The following PHLPP1 variants were observed in gnomAD, a reference collection of about 807,000 sequenced individuals.
PHLPP1 encodes the protein PH domain leucine-rich repeat-containing protein phosphatase 1.
PHLPP1 carries 42 observed loss-of-function variants against 117.2 expected under a neutral mutation model. The observed-to-expected ratio is 0.36, with a 90% CI of 0.28 to 0.46. PHLPP1 has a LOEUF of 0.46. Ranked by LOEUF, PHLPP1 falls within the 20% of genes least tolerant of loss-of-function variation. The pLI, the probability that PHLPP1 is intolerant of heterozygous loss-of-function variation, is 1.00. For missense variants in PHLPP1, 2,084 were observed against 2,241.9 expected (o/e 0.93, Z 1.42); for synonymous variants, 1,042 against 970.7 (o/e 1.07, Z -1.37).
chr18:62,717,580 C>T (rs887306611), intron 1 of PHLPP1, among the ~76,000 whole-genome samples: 3 of 152,064 alleles, frequency 2.0e-5, no homozygotes, highest in African/African-American at 7.2e-5. Flanking sequence ...TCCTCAGGGG[C>T]ATGTTGGGTT....
intron 10 of PHLPP1, among the ~76,000 whole-genome samples, chr18:62,934,468 G>C (rs1909908858): frequency 6.6e-6 from 1 of 152,108 alleles, no homozygotes; most frequent in South Asian, 2.1e-4. Flanking sequence ...AATTAATACA[G>C]AAACAGAAAA....
At position 62,715,689 on chromosome 18, in the gene PHLPP1, G is replaced by T; in HGVS notation, c.6G>T (p.Glu2Asp). 1.6e-6 allele frequency: 2 copies of T among 1,283,826 alleles called. No individual in the cohort carries two copies. The highest frequency in any genetic ancestry group is 2.0e-6 in the Non-Finnish European group (2 of 1,012,798). 79.5% of individuals were successfully genotyped at this position (1,283,826 alleles called of 1,614,324 possible). ...AAACGCGAAGCCCCACTGCAATGGA[G>T]CCCGCCGCCGCGGCCACGGTACAGC... M[E>D]PAAAATVQRL... Residue 2 changes from glutamate to aspartate, a missense_variant, in exon 1 of 17, where the codon GAG becomes GAT. Coordinates refer to ENST00000262719, the MANE Select transcript of PHLPP1 (RefSeq NM_194449.4).
chr18:62,951,812 ATTTTTTTTTTTTTT>A (rs34516044), intron 12 of PHLPP1, among the ~76,000 whole-genome samples: 1 of 101,422 alleles, frequency 9.9e-6, no homozygotes, highest in East Asian at 2.9e-4. Flanking sequence ...CACATAATTA[ATTTTTTTTTTTTTT>A]TTTTTTTTGA....
At chr18:62,890,080 G>A (rs1916370270) in intron 4 of PHLPP1, among the ~76,000 whole-genome samples, 1 of 97,808 alleles carries the variant, frequency 1.0e-5, no homozygotes, top group Non-Finnish European at 2.3e-5. Flanking sequence ...TTCTCTTTAC[G>A]TAAAGCTAGT....
At chr18:62,933,483 T>C (rs745857967) in intron 10 of PHLPP1, among the ~76,000 whole-genome samples, 2 of 152,148 alleles carry the variant, frequency 1.3e-5, no homozygotes, top group Non-Finnish European at 2.9e-5. Flanking sequence ...AACAGATCTT[T>C]TGACAAAGTC....
intron 12 of PHLPP1, among the ~76,000 whole-genome samples, chr18:62,955,291 G>T (rs1416031247): frequency 6.6e-6 from 1 of 152,184 alleles, no homozygotes; most frequent in Non-Finnish European, 1.5e-5. Context: ...GGGATGCCTT[G>T]TTGGACATTC....
At chr18:62,848,988 A>T (rs1915253729) in intron 3 of PHLPP1, among the ~76,000 whole-genome samples, 1 of 152,208 alleles carries the variant, frequency 6.6e-6, no homozygotes, top group Non-Finnish European at 1.5e-5. Context: ...ATATCTCAAT[A>T]AAGTACTTTA....
At chr18:62,882,107 G>T (rs1324321182) in intron 4 of PHLPP1, among the ~76,000 whole-genome samples, 1 of 152,082 alleles carries the variant, frequency 6.6e-6, no homozygotes, top group Non-Finnish European at 1.5e-5. Flanking sequence ...CATGCAGGTT[G>T]CCCTATATCA....
At chr18:62,770,396 C>T (rs944546086) in intron 1 of PHLPP1, among the ~76,000 whole-genome samples, 1 of 152,356 alleles carries the variant, frequency 6.6e-6, no homozygotes, top group African/African-American at 2.4e-5. Context: ...AGGTGTGAGC[C>T]ACCGTGCCCG....
At chr18:62,866,842 T>C (rs1451548603) in intron 4 of PHLPP1, among the ~76,000 whole-genome samples, 1 of 152,114 alleles carries the variant, frequency 6.6e-6, no homozygotes, top group Non-Finnish European at 1.5e-5. Context: ...GAGCTCATCC[T>C]CTTTTCTCCT....
In PHLPP1 at chr18:62,790,252, C is replaced by T. The variant is rs1386276425; in HGVS notation, c.1577-39783C>T. On this transcript the variant is annotated intron_variant, in intron 1 of 16. Coordinates refer to ENST00000262719, the MANE Select transcript of PHLPP1 (RefSeq NM_194449.4). ...AGCGAAAAAAGACCTCTAAGCAGCC[C>T]AAACAGACACTACAGAATTTCAATA... Among the ~76,000 whole-genome samples, 3 of 152,098 alleles carry T rather than the reference C, an allele frequency of 2.0e-5. No individual in the cohort carries two copies. In the East Asian group the frequency reaches 5.8e-4, roughly 29 times the overall value.
rs992324332 is a variant in PHLPP1, at chr18:62,782,511, A to T, written c.1577-47524A>T. Among the ~76,000 whole-genome samples, 2 of 152,236 alleles carry T rather than the reference A, an allele frequency of 1.3e-5. 1 individual carries two copies. Among genetic ancestry groups the T allele is most frequent in the African/African-American group, 4.8e-5 (2 of 41,468 alleles). On this transcript the variant is annotated intron_variant, in intron 1 of 16. Transcript: ENST00000262719. ...CTCTCTGCCATATATATTCTTGCTT[A>T]AAAGTATCTTAGTACAGTGCAGACA...
intron 13 of PHLPP1, among the ~76,000 whole-genome samples, chr18:62,960,918 T>C (rs1401039082): frequency 1.3e-5 from 2 of 152,188 alleles, no homozygotes; most frequent in African/African-American, 4.8e-5. Context: ...AGAGGGTTGG[T>C]TTGTTTTATG....
intron 1 of PHLPP1, among the ~76,000 whole-genome samples, chr18:62,765,944 G>A (rs1180980848): frequency 5.3e-5 from 8 of 149,878 alleles, no homozygotes; most frequent in Non-Finnish European, 1.0e-4. Context: ...CTTGCAGTGA[G>A]CCGAGATTGC....
At chr18:62,924,391 A>G (rs2144430782) in intron 10 of PHLPP1, among the ~76,000 whole-genome samples, 1 of 152,268 alleles carries the variant, frequency 6.6e-6, no homozygotes, top group African/African-American at 2.4e-5. Flanking sequence ...TAGAACTTGC[A>G]CTACCAAGTG....
At position 62,975,451 on chromosome 18, in the gene PHLPP1, C is replaced by A. The variant is rs1431895520; in HGVS notation, c.3810C>A (p.Ile1270=). 6 of 1,613,950 alleles carry A rather than the reference C, an allele frequency of 3.7e-6. No individual in the cohort carries two copies. Among genetic ancestry groups the A allele is most frequent in the Non-Finnish European group, 5.1e-6 (6 of 1,179,830 alleles). Reference sequence around the variant, plus strand: ...GTGGTGCCGCTGTCCTTTGTCATATCAAGCATGACCCTGTGGATCCAGGAG... The same window carrying A: ...GTGGTGCCGCTGTCCTTTGTCATATAAAGCATGACCCTGTGGATCCAGGAG... ...KLGGAAVLCH[I]KHDPVDPGGS... Residue 1270 remains isoleucine, a synonymous_variant, in exon 16 of 17, where the codon ATC becomes ATA. Transcript: ENST00000262719.
chr18:62,947,110 G>C (rs1910318434), intron 12 of PHLPP1, among the ~76,000 whole-genome samples: 1 of 152,188 alleles, frequency 6.6e-6, no homozygotes, highest in Non-Finnish European at 1.5e-5. Flanking sequence ...TTTCTGTATA[G>C]TAACTTTCAC....
intron 3 of PHLPP1, among the ~76,000 whole-genome samples, chr18:62,847,108 GAA>G (rs892953853): frequency 2.0e-5 from 3 of 152,176 alleles, no homozygotes; most frequent in African/African-American, 4.8e-5. Flanking sequence ...CATAACAAAA[GAA>G]GCGTGTTTTT....
chr18:62,833,228 C>T (rs1914801773), intron 2 of PHLPP1, among the ~76,000 whole-genome samples: 1 of 152,130 alleles, frequency 6.6e-6, no homozygotes, highest in South Asian at 2.1e-4. Flanking sequence ...TGCACACCAC[C>T]ATGCCCGGCC....
Sources: gnomAD v4.1 joint callset for allele counts (sites outside exome capture counted in the v4.1 genomes callset) on GRCh38, gnomAD v4.1.1 for gene constraint, MANE v1.5 for transcripts, NCBI Gene and HGNC (gene_info 2026-07-23, HGNC 2026-07-21) for gene names.